RASA3: variants seen among roughly 807,000 people sequenced by gnomAD.
The protein encoded by RASA3 is ras GTPase-activating protein 3.
Under a neutral mutation model 110.0 loss-of-function variants are expected in RASA3, and 73 were observed. The ratio of observed to expected loss-of-function variants is 0.66; its 90% CI spans 0.55 to 0.81. The LOEUF (loss-of-function observed/expected upper bound fraction) is 0.81, where lower values mean the gene tolerates loss of function less well. Among genes scored for constraint, RASA3 ranks in the 30% least tolerant of loss-of-function variants. RASA3 has a pLI of 0.00. For synonymous variants in RASA3, 500 were observed against 451.4 expected (o/e 1.11, Z -1.37); for missense variants, 976 against 1,113.2 (o/e 0.88, Z 1.75).
At chr13:114,124,388 C>G (rs1365846821) in intron 1 of RASA3, among the ~76,000 whole-genome samples, 1 of 152,248 alleles carries the variant, frequency 6.6e-6, no homozygotes, top group Non-Finnish European at 1.5e-5. Flanking sequence ...CAAAATCTCC[C>G]AGACACTCTG....
At chr13:114,012,677 T>A (rs532313910) in intron 15 of RASA3, among the ~76,000 whole-genome samples, 2,885 of 89,178 alleles carry the variant, frequency 0.032, 74 homozygotes, top group Non-Finnish European at 0.055. Flanking sequence ...CCCCACACAC[T>A]GTCCACGCAC....
At chr13:114,064,037 T>A (rs2079404843) in intron 2 of RASA3, among the ~76,000 whole-genome samples, 1 of 152,198 alleles carries the variant, frequency 6.6e-6, no homozygotes, top group Non-Finnish European at 1.5e-5. Context: ...CTTCTGAATG[T>A]GTGTTGCAAC....
chr13:114,052,423 C>T (rs112073570), intron 2 of RASA3, among the ~76,000 whole-genome samples: 12 of 152,328 alleles, frequency 7.9e-5, no homozygotes, highest in African/African-American at 2.2e-4. Flanking sequence ...ACAGAGACCA[C>T]GGCCACTGCC....
At chr13:113,995,279 G>A (rs10870594) in intron 21 of RASA3, among the ~76,000 whole-genome samples, 48,176 of 152,204 alleles carry the variant, frequency 0.32, 7,732 homozygotes, top group East Asian at 0.41. Flanking sequence ...ATGGGAGAGC[G>A]CTGGCCTCTC....
chr13:114,038,595 A>T (rs1050792270), intron 4 of RASA3, among the ~76,000 whole-genome samples: 18 of 152,332 alleles, frequency 1.2e-4, no homozygotes, highest in Admixed American at 3.3e-4. Flanking sequence ...CTCATGGTCA[A>T]CTTCATGAAT....
intron 1 of RASA3, among the ~76,000 whole-genome samples, chr13:114,081,862 T>C (rs2079793252): frequency 1.3e-5 from 2 of 152,320 alleles, no homozygotes; most frequent in Admixed American, 6.5e-5. Context: ...CCCGTGTTCC[T>C]AGCGCAGCAG....
chr13:114,007,442 A>G (rs34623098), intron 18 of RASA3, 91 bp downstream of exon 18: 5,144 of 158,972 alleles, frequency 0.032, 453 homozygotes, highest in African/African-American at 0.12. Flanking sequence ...CCTGCCGGAC[A>G]CCACCTTACC....
At chr13:114,004,122 G>A (rs2053462801) in intron 18 of RASA3, among the ~76,000 whole-genome samples, 1 of 152,234 alleles carries the variant, frequency 6.6e-6, no homozygotes, top group Non-Finnish European at 1.5e-5. Context: ...AAATAGCAAT[G>A]TAAGTAATGC....
rs56173146 is a variant in RASA3 at position 114,047,266 on chromosome 13, A to G, written c.277+4786T>C. Among the ~76,000 whole-genome samples, 1,342 of 152,334 alleles carry G rather than the reference A, an allele frequency of 8.8e-3. 9 individuals are homozygous for G. The highest frequency in any genetic ancestry group is 0.014 in the Non-Finnish European group (937 of 68,038). Reference sequence around the variant, plus strand: ...AAAAGATTTGAACAATGTACTAAAGAAGGAATGGAGCTGTCACTAAGCCCA... The same window carrying G: ...AAAAGATTTGAACAATGTACTAAAGGAGGAATGGAGCTGTCACTAAGCCCA... On this transcript the variant is annotated intron_variant, in intron 3 of 23. Transcript: ENST00000334062.
intron 7 of RASA3, among the ~76,000 whole-genome samples, chr13:114,026,521 G>A (rs1173043133): frequency 6.6e-6 from 1 of 152,190 alleles, no homozygotes; most frequent in East Asian, 1.9e-4. Flanking sequence ...TGCCTGTGGG[G>A]CCCTTTCGAG....
intron 4 of RASA3, among the ~76,000 whole-genome samples, chr13:114,034,212 G>C (rs1028935886): frequency 6.6e-6 from 1 of 152,270 alleles, no homozygotes; most frequent in Admixed American, 6.5e-5. Flanking sequence ...AAAGACAGGA[G>C]AAAGTGCCTG....
intron 18 of RASA3, 117 bp from the exon 19 acceptor site, chr13:114,001,049 A>T: frequency 1.4e-6 from 1 of 700,832 alleles, no homozygotes; most frequent in Non-Finnish European, 2.6e-6. Context: ...TGGATTTTCA[A>T]TATCTTATCA....
At position 114,080,703 on chromosome 13, in the gene RASA3, G is replaced by GGGGTCTCCCCCAGGGGCCACTGAAAC. The variant is rs1566560305; in HGVS notation, c.56-6867_56-6866insGTTTCAGTGGCCCCTGGGGGAGACCC. On this transcript the variant is annotated intron_variant, in intron 1 of 23. Coordinates refer to ENST00000334062, the MANE Select transcript of RASA3 (RefSeq NM_007368.4). ...GTCTCCCCCAGGGGCCACTGAAACA[G>GGGGTCTCCCCCAGGGGCCACTGAAAC]GGGTCTCCCCCAGGGGCCACCTCCC... 1.2e-4 allele frequency among the ~76,000 whole-genome samples: 18 copies of GGGGTCTCCCCCAGGGGCCACTGAAAC among 152,306 alleles called. No individual in the cohort carries two copies. In the East Asian group the frequency reaches 2.1e-3, roughly 18 times the overall value.
intron 4 of RASA3, among the ~76,000 whole-genome samples, chr13:114,030,501 G>A (rs61973878): frequency 0.43 from 40,260 of 93,494 alleles, 7,829 homozygotes; most frequent in Middle Eastern, 0.54. Context: ...CTCACACAGA[G>A]GGCAAGACTC....
intron 1 of RASA3, among the ~76,000 whole-genome samples, chr13:114,105,033 C>G (rs1363024218): frequency 6.6e-6 from 1 of 152,050 alleles, no homozygotes; most frequent in African/African-American, 2.4e-5. Flanking sequence ...GCCATAAACA[C>G]CCTTTGGCCA....
chr13:114,116,476 C>T (rs183380709), intron 1 of RASA3, among the ~76,000 whole-genome samples: 90 of 147,060 alleles, frequency 6.1e-4, no homozygotes, highest in East Asian at 4.8e-3. Flanking sequence ...GAGCGGCGCC[C>T]GTCAGAGCCA....
chr13:114,089,800 C>A (rs796414245), intron 1 of RASA3, among the ~76,000 whole-genome samples: 1 of 151,830 alleles, frequency 6.6e-6, no homozygotes, highest in Non-Finnish European at 1.5e-5. Context: ...TCCCCCTGAA[C>A]GAAACCCACC....
In RASA3 at chr13:114,016,230, C is replaced by CTTCACAGGGTCGAT; in HGVS notation, c.1234_1247dup (p.Leu417SerfsTer4). ...TTTCAAGGTTTTCTCCGTCTTTCAA[C>CTTCACAGGGTCGAT]TTCACAGGGTCGATTTCACAGGGTT... On this transcript the variant is annotated stop_gained and frameshift_variant, in exon 13 of 24. Transcript: ENST00000334062. LOFTEE classifies it high-confidence loss of function. 1 of 1,602,992 alleles carries CTTCACAGGGTCGAT rather than the reference C, an allele frequency of 6.2e-7. No individual in the cohort carries two copies. Among genetic ancestry groups the CTTCACAGGGTCGAT allele is most frequent in the Non-Finnish European group, 8.5e-7 (1 of 1,170,010 alleles).
At chr13:113,982,822 G>A (rs1165343667) in intron 22 of RASA3, among the ~76,000 whole-genome samples, 1 of 152,236 alleles carries the variant, frequency 6.6e-6, no homozygotes, top group Non-Finnish European at 1.5e-5. Flanking sequence ...AAGCTGGCTT[G>A]CCTCTTCCAC....
Sources: allele counts gnomAD v4.1 joint callset (sites outside exome capture counted in the v4.1 genomes callset), GRCh38; gene constraint gnomAD v4.1.1; transcripts MANE v1.5; gene names NCBI Gene and HGNC (gene_info 2026-07-23, HGNC 2026-07-21).